OAF: variants seen among roughly 807,000 people sequenced by gnomAD.
The protein encoded by OAF is out at first protein homolog.
Under a neutral mutation model 22.5 loss-of-function variants are expected in OAF, and 13 were observed. The observed-to-expected ratio is 0.58, with a 90% CI of 0.38 to 0.92. OAF has a LOEUF of 0.92. Among genes scored for constraint, OAF ranks in the 40% least tolerant of loss-of-function variants. The pLI is 0.00. For synonymous variants in OAF, 175 were observed against 170.5 expected (o/e 1.03, Z -0.21); for missense variants, 347 against 381.8 (o/e 0.91, Z 0.76).
chr11:120,217,568 G>A (rs990090751), intron 1 of OAF: 1 of 150,762 alleles, frequency 6.6e-6, no homozygotes, highest in African/African-American at 2.5e-5. Flanking sequence ...AACAGAGTGA[G>A]ACTCCATCTC....
intron 1 of OAF, among the ~76,000 whole-genome samples, chr11:120,223,861 C>T (rs477855): frequency 0.13 from 20,163 of 152,178 alleles, 1,690 homozygotes; most frequent in African/African-American, 0.21. Flanking sequence ...CTGCCAGGGA[C>T]ATGGCCTGGC....
chr11:120,223,605 G>GA (rs1938309694), intron 1 of OAF, among the ~76,000 whole-genome samples: 1 of 152,084 alleles, frequency 6.6e-6, no homozygotes, highest in Admixed American at 6.5e-5. Context: ...ATAGAAGCAG[G>GA]AAAAAAGCTC....
At chr11:120,224,929 C>T (rs1260967144) in intron 1 of OAF, among the ~76,000 whole-genome samples, 1 of 152,204 alleles carries the variant, frequency 6.6e-6, no homozygotes, top group Non-Finnish European at 1.5e-5. Flanking sequence ...CACCCTACAG[C>T]TCTACTCCCT....
At chr11:120,227,232 A>C (rs970336171) in intron 3 of OAF, among the ~76,000 whole-genome samples, 2 of 151,812 alleles carry the variant, frequency 1.3e-5, no homozygotes, top group Admixed American at 1.3e-4. Context: ...GTAGATCTGC[A>C]CAGAGTTAAG....
At chr11:120,227,211 C>G (rs1046455513) in intron 3 of OAF, among the ~76,000 whole-genome samples, 1 of 152,140 alleles carries the variant, frequency 6.6e-6, no homozygotes, top group Non-Finnish European at 1.5e-5. Context: ...CAGTTCCTGT[C>G]CCCCAGCAGG....
chr11:120,219,643 CTGGGAT>C (rs1756202079), intron 1 of OAF, among the ~76,000 whole-genome samples: 1 of 152,204 alleles, frequency 6.6e-6, no homozygotes, highest in African/African-American at 2.4e-5. Context: ...GACAGCATGG[CTGGGAT>C]GGGCACAGGG....
At chr11:120,215,348 G>C (rs988758389) in intron 1 of OAF, among the ~76,000 whole-genome samples, 1 of 152,128 alleles carries the variant, frequency 6.6e-6, no homozygotes, top group Non-Finnish European at 1.5e-5. Context: ...AAGAACCCAG[G>C]TGATTCCAGT....
intron 1 of OAF, among the ~76,000 whole-genome samples, chr11:120,219,112 CAG>C (rs1039544174): frequency 8.5e-6 from 1 of 118,276 alleles, no homozygotes; most frequent in African/African-American, 3.3e-5. Context: ...GGGGAATTCA[CAG>C]GGGGGGTGGG....
At chr11:120,215,310 C>T (rs985785334) in intron 1 of OAF, among the ~76,000 whole-genome samples, 6 of 152,090 alleles carry the variant, frequency 3.9e-5, no homozygotes, top group Admixed American at 1.3e-4. Context: ...GCCTGGATCG[C>T]GCCACTGCAC....
At chr11:120,225,366 C>A (rs762391449) in intron 1 of OAF, among the ~76,000 whole-genome samples, 1 of 152,056 alleles carries the variant, frequency 6.6e-6, no homozygotes, top group East Asian at 1.9e-4. Context: ...AGGCCCTGAC[C>A]CACCCTGATC....
In OAF at chr11:120,221,783, C is replaced by G. The variant is rs180981723; in HGVS notation, c.232-3878C>G. 5.9e-5 allele frequency among the ~76,000 whole-genome samples: 9 copies of G among 152,286 alleles called. No homozygotes were observed. In the South Asian group the frequency reaches 1.2e-3, roughly 21 times the overall value. On this transcript the variant is annotated intron_variant, in intron 1 of 3. Transcript: ENST00000328965. ...GTACTTGCCACACCCTCTGCGTGGC[C>G]CAGATCCTGGCCCTGGATGTAGTAT... is the stretch of plus-strand genomic sequence containing the variant.
intron 2 of OAF, 96 bp downstream of exon 2, chr11:120,225,891 C>T: frequency 9.3e-7 from 1 of 1,074,958 alleles, no homozygotes; most frequent in Non-Finnish European, 1.3e-6. Context: ...TCCTGACCTG[C>T]AGACCCGACC....
intron 1 of OAF, among the ~76,000 whole-genome samples, chr11:120,220,941 G>C (rs937684075): frequency 6.6e-6 from 1 of 152,142 alleles, no homozygotes; most frequent in Non-Finnish European, 1.5e-5. Flanking sequence ...TTGGGTGGGG[G>C]CACTGGGAGA....
At chr11:120,228,377 C>T (rs530760284) in intron 3 of OAF, among the ~76,000 whole-genome samples, 4 of 152,274 alleles carry the variant, frequency 2.6e-5, no homozygotes, top group South Asian at 2.1e-4. Flanking sequence ...CCACTGTGCC[C>T]GGCCAGATGT....
chr11:120,219,188 G>A (rs1938250651), intron 1 of OAF, among the ~76,000 whole-genome samples: 1 of 152,070 alleles, frequency 6.6e-6, no homozygotes, highest in African/African-American at 2.4e-5. Flanking sequence ...GCAACAGGGA[G>A]ACTGAGGGAG....
intron 3 of OAF, among the ~76,000 whole-genome samples, chr11:120,228,109 A>G (rs1368224326): frequency 6.6e-6 from 1 of 151,356 alleles, no homozygotes; most frequent in Non-Finnish European, 1.5e-5. Context: ...TTTGAGATAA[A>G]GTCTCACTGT....
intron 2 of OAF, 68 bp from the exon 3 acceptor site, chr11:120,226,748 A>C: frequency 2.8e-6 from 4 of 1,435,810 alleles, no homozygotes; most frequent in Non-Finnish European, 3.8e-6. Flanking sequence ...CTGACTCTGG[A>C]GGGTCAGGGG....
chr11:120,211,346 C>G lies in OAF; in HGVS notation c.67C>G (p.Leu23Val). ...GCTGCTGCTGCCGCTGCTCGCGCCG[C>G]TGCTGGGAACGGGTGCGCCGGCCGA... ...LLLLLPLLAP[L>V]LGTGAPAELR... Residue 23 changes from leucine (L) to valine (V), a missense_variant, in exon 1 of 4, where the codon CTG becomes GTG. Coordinates refer to ENST00000328965, the MANE Select transcript of OAF (RefSeq NM_178507.4). 1 of 1,427,280 alleles carries G rather than the reference C, an allele frequency of 7.0e-7. No homozygotes were observed. Among genetic ancestry groups the G allele is most frequent in the Non-Finnish European group, 9.2e-7 (1 of 1,085,832 alleles). 88.4% of individuals were successfully genotyped at this position (1,427,280 alleles called of 1,614,324 possible). A position where few individuals can be genotyped will look rare whatever the true frequency, so the allele number is the denominator to read the frequency against.
rs963284554 is a variant in OAF, at chr11:120,219,248, G to A, written c.232-6413G>A. Among the ~76,000 whole-genome samples the A allele has an allele frequency of 2.0e-5, 3 of 152,236 alleles. No homozygotes were observed. The South Asian group carries it at 6.2e-4, about 32-fold the overall frequency. ...TGGAGGGAATGGGAATGTGGAACAG[G>A]AGCCACTGGGAGACCTTGCGGGAAG... On this transcript the variant is annotated intron_variant, in intron 1 of 3. Transcript: ENST00000328965.
Sources: gnomAD v4.1 joint callset for allele counts (sites outside exome capture counted in the v4.1 genomes callset) on GRCh38, gnomAD v4.1.1 for gene constraint, MANE v1.5 for transcripts, NCBI Gene and HGNC (gene_info 2026-07-23, HGNC 2026-07-21) for gene names.